Variants in OGN observed in about 807,000 individuals in gnomAD.
OGN encodes mimecan.
Under a neutral mutation model 30.8 loss-of-function variants are expected in OGN, and 19 were observed. The ratio of observed to expected loss-of-function variants is 0.62; its 90% CI spans 0.43 to 0.90. The LOEUF (loss-of-function observed/expected upper bound fraction) is 0.90, where lower values mean the gene tolerates loss of function less well. Among genes scored for constraint, OGN ranks in the 40% least tolerant of loss-of-function variants. OGN has a pLI of 0.00. For missense variants in OGN, 283 were observed against 349.7 expected (o/e 0.81, Z 1.52); for synonymous variants, 126 against 128.3 (o/e 0.98, Z 0.12).
intron 6 of OGN, 83 bp from the exon 7 acceptor site, chr9:92,385,873 T>C: frequency 7.4e-7 from 1 of 1,355,244 alleles, no homozygotes; most frequent in Non-Finnish European, 1.0e-6. Context: ...GAAACCTAAG[T>C]CAGAGGTCTG....
chr9:92,398,092 A>T (rs933840216), intron 3 of OGN, among the ~76,000 whole-genome samples: 5 of 152,178 alleles, frequency 3.3e-5, no homozygotes, highest in African/African-American at 7.2e-5. Context: ...TAGTTCCAGT[A>T]TTGCTAACTC....
chr9:92,385,718 T>C lies in OGN; in HGVS notation c.799A>G (p.Ile267Val), dbSNP rs749276412. The change falls in exon 7 of 7, where the codon ATT becomes GTT. Residue 267 changes from isoleucine (I) to valine (V), a missense_variant. Coordinates refer to ENST00000375561, the MANE Select transcript of OGN (RefSeq NM_014057.5). ...TTGCCCTCCAGGCGTATCTCTTCAA[T>C]GCGGTCCCGGATGTAACTGGTGTCA... ...ANDTSYIRDR[I>V]EEIRLEGNPI... 4 of 1,614,180 alleles carry C rather than the reference T, an allele frequency of 2.5e-6. No homozygotes were observed. Among genetic ancestry groups the C allele is most frequent in the Non-Finnish European group, 3.4e-6 (4 of 1,179,994 alleles).
intron 3 of OGN, among the ~76,000 whole-genome samples, chr9:92,397,022 C>CA (rs1278590706): frequency 6.6e-6 from 1 of 150,742 alleles, no homozygotes; most frequent in Non-Finnish European, 1.5e-5. Flanking sequence ...CAAAAAAATA[C>CA]AAAAATTAGC....
intron 2 of OGN, among the ~76,000 whole-genome samples, chr9:92,402,939 T>C (rs1843177465): frequency 6.6e-6 from 1 of 152,228 alleles, no homozygotes; most frequent in African/African-American, 2.4e-5. Flanking sequence ...TTGTGTAACA[T>C]TACTTAATAT....
chr9:92,385,204 A>G lies in OGN; in HGVS notation c.*416T>C, dbSNP rs1359026923. ...GATCATGGGAAACATTTAGCTTTTC[A>G]AAGTTTTTGGAACATGTACCTTAAA... On this transcript the variant is annotated 3_prime_UTR_variant, in exon 7 of 7. Transcript: ENST00000375561. The G allele has an allele frequency of 6.5e-6, 1 of 154,710 alleles. No individual in the cohort carries two copies. Among genetic ancestry groups the G allele is most frequent in the Non-Finnish European group, 1.4e-5 (1 of 69,580 alleles). The allele number at this position is 154,710 out of a possible 1,614,324, so 9.6% of individuals were successfully genotyped here.
chr9:92,401,206 T>C, intron 2 of OGN, 21 bp from the exon 3 acceptor site: 1 of 1,054,018 alleles, frequency 9.5e-7, no homozygotes, highest in Non-Finnish European at 1.5e-6. Flanking sequence ...AATAAAAGTT[T>C]GTTACCTAGC....
chr9:92,401,440 A>C (rs1201792079), intron 2 of OGN, among the ~76,000 whole-genome samples: 1 of 152,210 alleles, frequency 6.6e-6, no homozygotes, highest in Non-Finnish European at 1.5e-5. Flanking sequence ...CAGTAGCTAC[A>C]CTCAGTGCTT....
rs1843194062 is a variant in OGN, at chr9:92,403,276, G to C, written c.132C>G (p.Ser44Arg). The C allele has an allele frequency of 6.2e-7, 1 of 1,604,600 alleles. No homozygotes were observed. Among genetic ancestry groups the C allele is most frequent in the Admixed American group, 1.7e-5 (1 of 59,708 alleles). The change falls in exon 2 of 7, where the codon AGC (serine) becomes AGG (arginine). Residue 44 changes from serine to arginine, a missense_variant. Ser to Arg is a moderately radical substitution (Grantham distance 110). Coordinates refer to ENST00000375561, the MANE Select transcript of OGN (RefSeq NM_014057.5). ...GTDNFEESIF[S>R]QDYEDKYLDG... Reference sequence around the variant, plus strand: ...CCAGGTATTTATCCTCATAATCTTGGCTAAATATGGATTCTTCAAAATTAT... The same window carrying C: ...CCAGGTATTTATCCTCATAATCTTGCCTAAATATGGATTCTTCAAAATTAT...
rs1554758106 is a variant in OGN, at chr9:92,403,378, C to G, written c.30G>C (p.Leu10=). The change falls in exon 2 of 7, where the codon CTG becomes CTC. Residue 10 remains leucine, a synonymous_variant. Coordinates refer to ENST00000375561, the MANE Select transcript of OGN (RefSeq NM_014057.5). The stretch of plus-strand genomic sequence containing the variant: ...GCTTTATCAGAGGCACAAGCAGTAA[C>G]AGGAGAAGTGTAGACTGCAGAGTCT... MKTLQSTLL[L]LLLVPLIKPA... 5 of 1,612,734 alleles carry G rather than the reference C, an allele frequency of 3.1e-6. No homozygotes were observed. In the South Asian group the frequency reaches 3.3e-5, roughly 11 times the overall value.
At chr9:92,387,497 A>G (rs1194613917) in intron 5 of OGN, among the ~76,000 whole-genome samples, 1 of 152,212 alleles carries the variant, frequency 6.6e-6, no homozygotes, top group African/African-American at 2.4e-5. Context: ...CATGATCAGT[A>G]ACCCATTATT....
intron 4 of OGN, among the ~76,000 whole-genome samples, chr9:92,392,541 G>A (rs1196665995): frequency 6.6e-6 from 1 of 151,880 alleles, no homozygotes; most frequent in Admixed American, 6.6e-5. Context: ...CTTAAACCTG[G>A]GAGACAGAGG....
chr9:92,386,531 C>A (rs1428997625), intron 5 of OGN, among the ~76,000 whole-genome samples: 1 of 152,082 alleles, frequency 6.6e-6, no homozygotes, highest in African/African-American at 2.4e-5. Flanking sequence ...CTGCCGCATA[C>A]CCCACACTTC....
chr9:92,393,268 A>G (rs1469450737), intron 3 of OGN, 24 bp from the exon 4 acceptor site: 2 of 1,557,526 alleles, frequency 1.3e-6, no homozygotes, highest in Non-Finnish European at 1.7e-6. Context: ...AAAATCATAA[A>G]AATATGAACA....
chr9:92,400,537 T>C (rs771826862), intron 3 of OGN, among the ~76,000 whole-genome samples: 9 of 152,242 alleles, frequency 5.9e-5, no homozygotes, highest in Non-Finnish European at 8.8e-5. Flanking sequence ...TCATTTTCAT[T>C]TTATTTTAGA....
At chr9:92,403,579 C>T (rs1843207262) in intron 1 of OGN, 97 bp from the exon 2 acceptor site, 1 of 1,241,148 alleles carries the variant, frequency 8.1e-7, no homozygotes, top group African/African-American at 1.5e-5. Context: ...CAGTATTTAA[C>T]CCTTAGTGAT....
At chr9:92,387,725 G>T (rs182598430) in intron 5 of OGN, among the ~76,000 whole-genome samples, 2 of 152,168 alleles carry the variant, frequency 1.3e-5, no homozygotes, top group African/African-American at 4.8e-5. Flanking sequence ...AGCAGCTTAG[G>T]ACATTAAACA....
At chr9:92,403,545 G>T (rs1843205753) in intron 1 of OGN, 63 bp from the exon 2 acceptor site, 4 of 1,383,054 alleles carry the variant, frequency 2.9e-6, no homozygotes, top group Admixed American at 6.2e-5. Context: ...TTTTGGCAGG[G>T]TGTGCGCAGT....
At chr9:92,404,293 G>C (rs748837544) in intron 1 of OGN, among the ~76,000 whole-genome samples, 123 of 152,150 alleles carry the variant, frequency 8.1e-4, no homozygotes, top group Admixed American at 1.6e-3. Context: ...AGAAGATAAT[G>C]GATTTGTGAC....
intron 4 of OGN, among the ~76,000 whole-genome samples, chr9:92,391,790 A>AT (rs1842698927): frequency 6.6e-6 from 1 of 152,140 alleles, no homozygotes; most frequent in African/African-American, 2.4e-5. Flanking sequence ...AGTAATTCAA[A>AT]TTTTTTGCCA....
Sources: allele counts gnomAD v4.1 joint callset (sites outside exome capture counted in the v4.1 genomes callset), GRCh38; gene constraint gnomAD v4.1.1; transcripts MANE v1.5; gene names NCBI Gene and HGNC (gene_info 2026-07-23, HGNC 2026-07-21).